LRRC18: variants seen among roughly 807,000 people sequenced by gnomAD.
LRRC18 encodes the protein leucine rich repeat containing 18, also known as leucine-rich repeat-containing protein 18.
LRRC18 carries 12 observed loss-of-function variants against 11.2 expected under a neutral mutation model. The ratio of observed to expected loss-of-function variants is 1.07; its 90% CI spans 0.69 to 1.74. LRRC18 has a LOEUF of 1.74. LRRC18 is among the 40% of genes most tolerant of loss of function. The pLI, the probability that LRRC18 is intolerant of heterozygous loss-of-function variation, is 0.00. For synonymous variants in LRRC18, 155 were observed against 130.6 expected (o/e 1.19, Z -1.27); for missense variants, 374 against 330.5 (o/e 1.13, Z -1.02).
chr10:48,910,032 A>C, exon 2 of LRRC18: 1 of 560,228 alleles, frequency 1.8e-6, no homozygotes, highest in Admixed American at 3.0e-5. Flanking sequence ...AATATTTCCC[A>C]AAGTCATTTT....
At chr10:48,938,390 C>A in the LRRC18 span, among the ~76,000 whole-genome samples, 4 of 152,224 alleles carry the variant, frequency 2.6e-5, no homozygotes, top group African/African-American at 9.6e-5. Context: ...GAGGGTGCAG[C>A]CTTTAGCCAG....
At chr10:48,930,492 C>T in the LRRC18 span, among the ~76,000 whole-genome samples, 2 of 152,112 alleles carry the variant, frequency 1.3e-5, no homozygotes, top group Admixed American at 6.5e-5. Flanking sequence ...GCCACCTTAA[C>T]TGGGTTAGGC....
chr10:48,921,656 T>A, the LRRC18 span, among the ~76,000 whole-genome samples: 973 of 151,810 alleles, frequency 6.4e-3, 13 homozygotes, highest in African/African-American at 0.022. Context: ...TGGAAGAAAA[T>A]AGTGCAAATC....
the LRRC18 span, among the ~76,000 whole-genome samples, chr10:48,928,761 C>T: frequency 6.6e-6 from 1 of 152,196 alleles, no homozygotes; most frequent in Non-Finnish European, 1.5e-5. Context: ...CCTGTGGCAG[C>T]TTTGCTGACC....
chr10:48,935,583 A>AT, the LRRC18 span, among the ~76,000 whole-genome samples: 2 of 152,054 alleles, frequency 1.3e-5, no homozygotes, highest in African/African-American at 4.8e-5. Context: ...TTGTGCAAGT[A>AT]TTTTTTTTCT....
chr10:48,931,477 C>T, the LRRC18 span, among the ~76,000 whole-genome samples: 2 of 152,214 alleles, frequency 1.3e-5, no homozygotes, highest in Non-Finnish European at 2.9e-5. Context: ...CTATAAACAA[C>T]ACGTGGCCTG....
the LRRC18 span, among the ~76,000 whole-genome samples, chr10:48,929,582 C>G: frequency 6.6e-6 from 1 of 152,244 alleles, no homozygotes; most frequent in African/African-American, 2.4e-5. Flanking sequence ...CACTCACTCT[C>G]CTGGTAAGCC....
At chr10:48,913,052 G>C (rs1370761612) in intron 1 of LRRC18, among the ~76,000 whole-genome samples, 1 of 152,334 alleles carries the variant, frequency 6.6e-6, no homozygotes, top group East Asian at 1.9e-4. Flanking sequence ...GCCAGTGATA[G>C]TGAGTGTGTG....
At chr10:48,923,405 T>C in the LRRC18 span, among the ~76,000 whole-genome samples, 1 of 150,760 alleles carries the variant, frequency 6.6e-6, no homozygotes, top group Non-Finnish European at 1.5e-5. Context: ...ATCAATGGCT[T>C]CTCCCCATGG....
chr10:48,919,288 A>G, the LRRC18 span, among the ~76,000 whole-genome samples: 1 of 152,214 alleles, frequency 6.6e-6, no homozygotes, highest in African/African-American at 2.4e-5. Context: ...ACAACTCTAA[A>G]AAAAAGAGGA....
At chr10:48,921,588 A>G in the LRRC18 span, among the ~76,000 whole-genome samples, 8 of 102,770 alleles carry the variant, frequency 7.8e-5, no homozygotes, top group Non-Finnish European at 1.6e-4. Flanking sequence ...TAAGTTGAAC[A>G]CAATTAAAAG....
chr10:48,937,879 T>A, the LRRC18 span, among the ~76,000 whole-genome samples: 1 of 151,070 alleles, frequency 6.6e-6, no homozygotes, highest in Non-Finnish European at 1.5e-5. Flanking sequence ...AGAGAGGGAG[T>A]GTGTTTGGCT....
the LRRC18 span, among the ~76,000 whole-genome samples, chr10:48,933,020 G>A: frequency 1.2e-4 from 18 of 152,274 alleles, 1 homozygote; most frequent in Middle Eastern, 0.014. Flanking sequence ...AACGCTGGCC[G>A]TGGGGAGGCA....
chr10:48,933,133 A>G, the LRRC18 span, among the ~76,000 whole-genome samples: 1 of 152,182 alleles, frequency 6.6e-6, no homozygotes, highest in African/African-American at 2.4e-5. Flanking sequence ...ATGTGGATCC[A>G]GGCTCTGTGG....
the LRRC18 span, among the ~76,000 whole-genome samples, chr10:48,935,378 C>G: frequency 6.4e-4 from 98 of 152,340 alleles, no homozygotes; most frequent in Admixed American, 2.0e-3. Context: ...GGGCTCACCC[C>G]CTGTGATTCC....
chr10:48,938,922 G>A, the LRRC18 span, among the ~76,000 whole-genome samples: 1 of 152,198 alleles, frequency 6.6e-6, no homozygotes, highest in Non-Finnish European at 1.5e-5. Flanking sequence ...ATGTCCGCCT[G>A]TGCTAGGCCC....
At chr10:48,934,197 C>T in the LRRC18 span, among the ~76,000 whole-genome samples, 1 of 152,224 alleles carries the variant, frequency 6.6e-6, no homozygotes, top group African/African-American at 2.4e-5. Context: ...ACTTGGTTCA[C>T]ATAGCATCCG....
At chr10:48,934,735 G>A in the LRRC18 span, among the ~76,000 whole-genome samples, 11 of 152,232 alleles carry the variant, frequency 7.2e-5, no homozygotes, top group Non-Finnish European at 1.6e-4. Context: ...GAACGAAGAA[G>A]CAGTCACAGC....
At chr10:48,913,837 G>T (rs746933955) in exon 1 of LRRC18, 19 of 1,614,096 alleles carry the variant, frequency 1.2e-5, no homozygotes, top group Non-Finnish European at 1.5e-5. Context: ...CTGGTCAGCC[G>T]GTTGTTGCTG....
Sources: gnomAD v4.1 joint callset for allele counts (sites outside exome capture counted in the v4.1 genomes callset) on GRCh38, gnomAD v4.1.1 for gene constraint, MANE v1.5 for transcripts, NCBI Gene and HGNC (gene_info 2026-07-23, HGNC 2026-07-21) for gene names.